The following C5orf24 variants were observed in gnomAD, a reference collection of about 807,000 sequenced individuals.
The protein encoded by C5orf24 is UPF0461 protein C5orf24.
In C5orf24, 4 loss-of-function variants were observed where a neutral mutation model predicts 9.8. The observed-to-expected ratio is 0.41, with a 90% confidence interval of 0.20 to 0.93. The LOEUF (loss-of-function observed/expected upper bound fraction) is 0.93. Ranked by LOEUF, C5orf24 falls within the 40% of genes least tolerant of loss-of-function variation. The pLI is 0.33. For synonymous variants in C5orf24, 73 were observed against 81.3 expected (o/e 0.90, Z 0.55); for missense variants, 170 against 236.9 (o/e 0.72, Z 1.85).
At chr5:134,837,894 C>T in the C5orf24 span, among the ~76,000 whole-genome samples, 1 of 152,156 alleles carries the variant, frequency 6.6e-6, no homozygotes, top group Non-Finnish European at 1.5e-5. Flanking sequence ...TCAGCTGTTA[C>T]TGATAAGTTA....
At chr5:134,839,892 C>T in the C5orf24 span, among the ~76,000 whole-genome samples, 1 of 152,044 alleles carries the variant, frequency 6.6e-6, no homozygotes, top group African/African-American at 2.4e-5. Context: ...GACAGGGTTT[C>T]ACCATGTTGG....
At position 134,856,892 on chromosome 5, in the gene C5orf24, A is replaced by G. The variant is rs1364715943; in HGVS notation, c.*1425A>G. ...GAAGCATATAGGAATCCATCTATGC[A>G]TGAAACATGTAAAAAATATGTTGGT... On this transcript the variant is annotated 3_prime_UTR_variant, in exon 2 of 2. Coordinates refer to ENST00000394976, the MANE Select transcript of C5orf24 (RefSeq NM_001135586.1). The G allele has an allele frequency of 9.0e-6, 9 of 1,001,374 alleles. No homozygotes were observed. The highest frequency in any genetic ancestry group is 3.5e-5 in the African/African-American group (2 of 57,396). The allele number at this position is 1,001,374 out of a possible 1,614,324, so 62.0% of individuals were successfully genotyped here.
rs1294078095 is a variant in C5orf24 at position 134,851,448 on chromosome 5, A to T, written c.-3-3450A>T. Among the ~76,000 whole-genome samples the T allele has an allele frequency of 4.1e-5, 5 of 123,246 alleles. No individual in the cohort carries two copies. In the Admixed American group the frequency reaches 4.4e-4, roughly 11 times the overall value. The allele number at this position is 123,246 out of a possible 152,430, so 80.9% of individuals were successfully genotyped here. A position where few individuals can be genotyped will look rare whatever the true frequency, so the allele number is the denominator to read the frequency against. ...GTGGATTCCCCGCCCCCCACCCCCC[A>T]GGGAACATTTGGCAATGTCTGGAGA... On this transcript the variant is annotated intron_variant, in intron 1 of 1. Transcript: ENST00000394976.
rs980981700 is a variant in C5orf24 at position 134,859,381 on chromosome 5, C to T, written c.*3914C>T. 2 of 166,870 alleles carry T rather than the reference C, an allele frequency of 1.2e-5. No individual in the cohort carries two copies. Among genetic ancestry groups the T allele is most frequent in the African/African-American group, 2.4e-5 (1 of 41,392 alleles). The allele number at this position is 166,870 out of a possible 1,614,324, so 10.3% of individuals were successfully genotyped here. On this transcript the variant is annotated 3_prime_UTR_variant, in exon 2 of 2. Coordinates refer to ENST00000394976, the MANE Select transcript of C5orf24 (RefSeq NM_001135586.1). ...ATCTTTCCTTTTTTCCCCCCTCCTCCAAATATATAAATCTGTGCTCTCACA... is the reference window on the plus strand; with the variant it reads ...ATCTTTCCTTTTTTCCCCCCTCCTCTAAATATATAAATCTGTGCTCTCACA...
chr5:134,848,972 AAG>A (rs1756076730), intron 1 of C5orf24, among the ~76,000 whole-genome samples: 1 of 149,464 alleles, frequency 6.7e-6, no homozygotes, highest in East Asian at 2.0e-4. Context: ...AAAAAAAAAA[AAG>A]AGGCTGGGCG....
At chr5:134,838,289 A>G in the C5orf24 span, among the ~76,000 whole-genome samples, 2 of 152,202 alleles carry the variant, frequency 1.3e-5, no homozygotes, top group African/African-American at 4.8e-5. Context: ...ACTATGAAAA[A>G]TGTTATATTG....
intron 1 of C5orf24, among the ~76,000 whole-genome samples, chr5:134,854,329 T>G (rs1756249388): frequency 6.6e-6 from 1 of 152,226 alleles, no homozygotes. Context: ...TTGTGTTCAT[T>G]GCTTGGCACA....
At chr5:134,854,782 A>C in intron 1 of C5orf24, 116 bp from the exon 2 acceptor site, 1 of 1,132,008 alleles carries the variant, frequency 8.8e-7, no homozygotes, top group Non-Finnish European at 1.2e-6. Flanking sequence ...CTGTTAGCCT[A>C]ATTTTATGTA....
intron 1 of C5orf24, among the ~76,000 whole-genome samples, chr5:134,847,926 C>A (rs930187809): frequency 1.3e-5 from 2 of 152,158 alleles, no homozygotes; most frequent in Non-Finnish European, 2.9e-5. Flanking sequence ...TACTCTGGAA[C>A]TCCCGACCTC....
At chr5:134,838,150 C>G in the C5orf24 span, among the ~76,000 whole-genome samples, 1 of 152,152 alleles carries the variant, frequency 6.6e-6, no homozygotes, top group Non-Finnish European at 1.5e-5. Context: ...CAGCCAAATT[C>G]CAGATATAGA....
At chr5:134,845,400 G>A (rs1755964404), upstream of C5orf24, among the ~76,000 whole-genome samples, 1 of 152,220 alleles carries the variant, frequency 6.6e-6, no homozygotes, top group Non-Finnish European at 1.5e-5. Context: ...AAATTCACAG[G>A]AGGAAGGAGT....
upstream of C5orf24, among the ~76,000 whole-genome samples, chr5:134,842,262 G>C (rs1755906114): frequency 6.6e-6 from 1 of 152,106 alleles, no homozygotes; most frequent in Non-Finnish European, 1.5e-5. Context: ...GGCCGAGGTG[G>C]GAGGATCACC....
At chr5:134,835,895 C>T in the C5orf24 span, among the ~76,000 whole-genome samples, 2 of 151,522 alleles carry the variant, frequency 1.3e-5, no homozygotes, top group African/African-American at 4.8e-5. Flanking sequence ...AGTGGGGTCT[C>T]GCTATGTTGC....
At chr5:134,840,566 C>T in the C5orf24 span, among the ~76,000 whole-genome samples, 3 of 151,708 alleles carry the variant, frequency 2.0e-5, no homozygotes, top group South Asian at 6.2e-4. Context: ...CAGAGTCTCA[C>T]TCTGTCATTC....
upstream of C5orf24, among the ~76,000 whole-genome samples, chr5:134,843,738 A>G (rs564524524): frequency 2.7e-3 from 415 of 152,296 alleles, 1 homozygote; most frequent in Middle Eastern, 6.8e-3. Flanking sequence ...TATTTTTAGT[A>G]GAGACAGGGT....
Position 134,846,197 on chromosome 5 carries a change from G to T in C5orf24, c.-19G>T, listed in dbSNP as rs1453540880. ...GCCCCTAGACGCGCCGAGGGGCCGGGCTACGAGCGGCTGAGGTAGGTAGGG... is the reference window on the plus strand; with the variant it reads ...GCCCCTAGACGCGCCGAGGGGCCGGTCTACGAGCGGCTGAGGTAGGTAGGG... On this transcript the variant is annotated 5_prime_UTR_variant, in exon 1 of 2. Coordinates refer to ENST00000394976, the MANE Select transcript of C5orf24 (RefSeq NM_001135586.1). The T allele has an allele frequency of 6.6e-6, 1 of 152,324 alleles. No homozygotes were observed. The highest frequency in any genetic ancestry group is 1.5e-5 in the Non-Finnish European group (1 of 68,158). 9.4% of individuals were successfully genotyped at this position (152,324 alleles called of 1,614,324 possible). A position where few individuals can be genotyped will look rare whatever the true frequency, so the allele number is the denominator to read the frequency against.
rs188468834 is a variant in C5orf24, at chr5:134,849,017, G to T, written c.-4+2805G>T. ...TCACGCCTGTAATCCCAGTACTTTG[G>T]GAGGCTGAGCGGGTGGATCACGAGG... is the stretch of plus-strand genomic sequence containing the variant. On this transcript the variant is annotated intron_variant, in intron 1 of 1. Transcript: ENST00000394976. Among the ~76,000 whole-genome samples the T allele has an allele frequency of 1.7e-3, 264 of 151,706 alleles. 4 individuals are homozygous for T. Among genetic ancestry groups the T allele is most frequent in the Admixed American group, 0.016 (240 of 15,230 alleles).
intron 1 of C5orf24, among the ~76,000 whole-genome samples, chr5:134,853,964 C>T (rs1756238943): frequency 6.6e-6 from 1 of 152,114 alleles, no homozygotes. Flanking sequence ...CCTGTAGTCC[C>T]AGCTATTCAG....
the C5orf24 span, among the ~76,000 whole-genome samples, chr5:134,836,865 G>A: frequency 2.0e-5 from 3 of 151,928 alleles, no homozygotes; most frequent in Admixed American, 1.3e-4. Flanking sequence ...ATAATATGTT[G>A]CTATATAATA....
Sources: gnomAD v4.1 joint callset for allele counts (sites outside exome capture counted in the v4.1 genomes callset) on GRCh38, gnomAD v4.1.1 for gene constraint, MANE v1.5 for transcripts, NCBI Gene and HGNC (gene_info 2026-07-23, HGNC 2026-07-21) for gene names.